DMXL2: variants seen among roughly 807,000 people sequenced by gnomAD.
The protein encoded by DMXL2 is dmX-like protein 2.
A neutral mutation model predicts 331.1 loss-of-function variants in DMXL2; 103 were observed. That is an observed-to-expected ratio of 0.31 (90% CI 0.27 to 0.37). The LOEUF (loss-of-function observed/expected upper bound fraction) is 0.37. Ranked by LOEUF, DMXL2 falls within the 10% of genes least tolerant of loss-of-function variation. DMXL2 has a pLI of 1.00. For synonymous variants in DMXL2, 1,281 were observed against 1,252.1 expected (o/e 1.02, Z -0.49); for missense variants, 3,171 against 3,642.9 (o/e 0.87, Z 3.33).
intron 13 of DMXL2, among the ~76,000 whole-genome samples, chr15:51,532,486 A>C (rs775772108): frequency 6.6e-6 from 1 of 152,180 alleles, no homozygotes; most frequent in Non-Finnish European, 1.5e-5. Context: ...GGGTGACTAT[A>C]GTCAATAATT....
At chr15:51,614,613 G>A (rs561780945) in intron 1 of DMXL2, among the ~76,000 whole-genome samples, 6 of 152,156 alleles carry the variant, frequency 3.9e-5, no homozygotes, top group African/African-American at 1.4e-4. Context: ...ATACCAAGAA[G>A]TATTATAAAA....
chr15:51,596,553 C>T (rs947206113), intron 1 of DMXL2, among the ~76,000 whole-genome samples: 14 of 152,164 alleles, frequency 9.2e-5, no homozygotes, highest in Non-Finnish European at 1.8e-4. Flanking sequence ...CCATTTGACC[C>T]AGCAATCCCA....
chr15:51,535,431 T>G (rs1261801411), intron 13 of DMXL2, among the ~76,000 whole-genome samples: 14 of 152,206 alleles, frequency 9.2e-5, no homozygotes, highest in Non-Finnish European at 1.3e-4. Flanking sequence ...AAAATCCTTT[T>G]TATTTCTTTT....
chr15:51,476,364 G>A (rs2041583043), intron 27 of DMXL2, among the ~76,000 whole-genome samples: 1 of 152,096 alleles, frequency 6.6e-6, no homozygotes, highest in Non-Finnish European at 1.5e-5. Flanking sequence ...GCTTTTTTAT[G>A]TTGGTTAACA....
chr15:51,613,058 C>G (rs2054079496), intron 1 of DMXL2, among the ~76,000 whole-genome samples: 1 of 152,236 alleles, frequency 6.6e-6, no homozygotes. Context: ...TTAAGGTTAT[C>G]TCCCTTGTTC....
At chr15:51,553,757 T>C (rs2049368750) in intron 6 of DMXL2, among the ~76,000 whole-genome samples, 1 of 150,580 alleles carries the variant, frequency 6.6e-6, no homozygotes, top group Non-Finnish European at 1.5e-5. Flanking sequence ...CTTAAAAGAG[T>C]ATAGCACATA....
intron 23 of DMXL2, among the ~76,000 whole-genome samples, chr15:51,481,985 A>C (rs940001461): frequency 1.3e-5 from 2 of 152,200 alleles, no homozygotes; most frequent in African/African-American, 4.8e-5. Context: ...AAACACAAAA[A>C]ATTTTAATTG....
At chr15:51,561,948 G>A (rs1037627513) in intron 6 of DMXL2, among the ~76,000 whole-genome samples, 11 of 152,130 alleles carry the variant, frequency 7.2e-5, no homozygotes, top group East Asian at 1.9e-4. Flanking sequence ...AAAAAGTACC[G>A]TTATTTTCTC....
In DMXL2 at chr15:51,605,575, C is replaced by T. The variant is rs1177845502; in HGVS notation, c.87+16884G>A. Among the ~76,000 whole-genome samples the T allele has an allele frequency of 2.3e-3, 69 of 29,616 alleles. 15 individuals are homozygous for T. Among genetic ancestry groups the T allele is most frequent in the East Asian group, 0.012 (13 of 1,068 alleles). 19.4% of individuals were successfully genotyped at this position (29,616 alleles called of 152,430 possible). On this transcript the variant is annotated intron_variant, in intron 1 of 43. Transcript: ENST00000560891. ...TTTTTGAGACGGAGTCTCGCTCTGT[C>T]GCCCAGGCCGGACTGCGGACTGCAG...
chr15:51,566,229 T>TGG (rs930614547), intron 3 of DMXL2, among the ~76,000 whole-genome samples: 4 of 115,528 alleles, frequency 3.5e-5, no homozygotes, highest in African/African-American at 1.3e-4. Context: ...AATGTGTGTG[T>TGG]GGGGTGTGTG....
At chr15:51,468,186 C>T (rs575010819) in intron 29 of DMXL2, among the ~76,000 whole-genome samples, 3 of 152,248 alleles carry the variant, frequency 2.0e-5, no homozygotes, top group African/African-American at 7.2e-5. Flanking sequence ...CAAGTAAGAG[C>T]GAGCACCCCA....
At chr15:51,453,748 T>TA (rs1057374328) in intron 40 of DMXL2, 107 bp from the exon 41 acceptor site, 1 of 883,176 alleles carries the variant, frequency 1.1e-6, no homozygotes, top group African/African-American at 1.7e-5. Context: ...GAGCTAAAAA[T>TA]AGTTTTTAAA....
intron 1 of DMXL2, among the ~76,000 whole-genome samples, chr15:51,587,183 T>G (rs1405437455): frequency 6.6e-6 from 1 of 152,348 alleles, no homozygotes; most frequent in South Asian, 2.1e-4. Flanking sequence ...CTTTTTTTAT[T>G]ATACTTTAAG....
intron 18 of DMXL2, 72 bp downstream of exon 18, chr15:51,498,480 T>C (rs117042600): frequency 0.019 from 26,976 of 1,441,984 alleles, 330 homozygotes; most frequent in Non-Finnish European, 0.023. Flanking sequence ...ATTCAGTAAA[T>C]GAGTCAGTAT....
chr15:51,474,445 C>T lies in DMXL2; in HGVS notation c.7112G>A (p.Arg2371Gln), dbSNP rs760199215. Residue 2371 changes from arginine (R) to glutamine (Q), a missense_variant, in exon 28 of 44, where the codon CGG (arginine) becomes CAG (glutamine). Transcript: ENST00000560891. ...ATTATTTAATGGGTGGGCTGCAAGC[C>T]GAAATAATTCACTGGAGGAATTTGT... ...LATNSSSELF[R>Q]LAAHPLNNRM... 9.3e-6 allele frequency: 15 copies of T among 1,613,980 alleles called. No homozygotes were observed. Among genetic ancestry groups the T allele is most frequent in the Admixed American group, 8.3e-5 (5 of 59,994 alleles).
intron 13 of DMXL2, among the ~76,000 whole-genome samples, chr15:51,528,492 A>G (rs2047811303): frequency 6.6e-6 from 1 of 152,168 alleles, no homozygotes; most frequent in African/African-American, 2.4e-5. Context: ...ATCAGACAAA[A>G]TAGTTTTCAA....
chr15:51,573,708 G>C (rs2050824178), intron 2 of DMXL2, among the ~76,000 whole-genome samples: 1 of 152,070 alleles, frequency 6.6e-6, no homozygotes, highest in Non-Finnish European at 1.5e-5. Context: ...CGGGGGGCTA[G>C]GGGAGGGATA....
intron 40 of DMXL2, 137 bp from the exon 41 acceptor site, chr15:51,453,778 G>A: frequency 1.5e-6 from 1 of 660,062 alleles, no homozygotes; most frequent in Non-Finnish European, 2.6e-6. Context: ...TAGGATAAAA[G>A]AATAAGTGAT....
chr15:51,526,186 GGGGAGAGAGAGA>G (rs1353754492), intron 13 of DMXL2, among the ~76,000 whole-genome samples: 1 of 115,828 alleles, frequency 8.6e-6, no homozygotes, highest in Non-Finnish European at 1.8e-5. Context: ...GGGTGGGTGG[GGGGAGAGAGAGA>G]GGGAGAGAGA....
Sources: gnomAD v4.1 joint callset for allele counts (sites outside exome capture counted in the v4.1 genomes callset) on GRCh38, gnomAD v4.1.1 for gene constraint, MANE v1.5 for transcripts, NCBI Gene and HGNC (gene_info 2026-07-23, HGNC 2026-07-21) for gene names.